Variants in KCNH1 observed in about 807,000 individuals in gnomAD.
The protein encoded by KCNH1 is potassium voltage-gated channel subfamily H member 1, also known as voltage-gated delayed rectifier potassium channel KCNH1.
KCNH1 carries 27 observed loss-of-function variants against 69.2 expected under a neutral mutation model. The observed-to-expected ratio is 0.39, with a 90% CI of 0.29 to 0.54. KCNH1 has a LOEUF of 0.54. Ranked by LOEUF, KCNH1 falls within the 20% of genes least tolerant of loss-of-function variation. KCNH1 has a pLI of 0.68. For synonymous variants in KCNH1, 456 were observed against 487.7 expected (o/e 0.93, Z 0.86); for missense variants, 798 against 1,261.6 (o/e 0.63, Z 5.57).
At chr1:211,025,211 G>C (rs546716083) in intron 5 of KCNH1, among the ~76,000 whole-genome samples, 1 of 152,272 alleles carries the variant, frequency 6.6e-6, no homozygotes, top group African/African-American at 2.4e-5. Flanking sequence ...AAATCTCTAG[G>C]TAAAACTCCC....
At chr1:210,685,191 T>C (rs766360669) in intron 10 of KCNH1, among the ~76,000 whole-genome samples, 1 of 152,242 alleles carries the variant, frequency 6.6e-6, no homozygotes, top group Non-Finnish European at 1.5e-5. Flanking sequence ...CTAGCTTACA[T>C]TGCATGTGGC....
chr1:210,958,618 T>C (rs1270329269), intron 6 of KCNH1, among the ~76,000 whole-genome samples: 13 of 152,194 alleles, frequency 8.5e-5, no homozygotes, highest in Non-Finnish European at 1.0e-4. Context: ...CTTTTTACTC[T>C]TTTTTCTCTA....
At chr1:210,753,400 A>T (rs1248848444) in intron 10 of KCNH1, among the ~76,000 whole-genome samples, 1 of 152,212 alleles carries the variant, frequency 6.6e-6, no homozygotes, top group African/African-American at 2.4e-5. Context: ...TAAGTAAACA[A>T]TTGAAACGTG....
chr1:210,889,159 A>G (rs1266519711), intron 7 of KCNH1, among the ~76,000 whole-genome samples: 1 of 152,198 alleles, frequency 6.6e-6, no homozygotes, highest in African/African-American at 2.4e-5. Flanking sequence ...TCCTCAGTAA[A>G]ATACTGGCAA....
intron 5 of KCNH1, among the ~76,000 whole-genome samples, chr1:211,070,837 A>C (rs1400058530): frequency 6.7e-6 from 1 of 148,600 alleles, no homozygotes; most frequent in Non-Finnish European, 1.5e-5. Flanking sequence ...AAAAAAAATT[A>C]GGAAAAAAAA....
At chr1:210,991,059 C>T (rs1688926809) in intron 6 of KCNH1, among the ~76,000 whole-genome samples, 1 of 152,018 alleles carries the variant, frequency 6.6e-6, no homozygotes, top group Admixed American at 6.6e-5. Flanking sequence ...CTCAAAAAAA[C>T]TAAAAATAAA....
intron 5 of KCNH1, among the ~76,000 whole-genome samples, chr1:211,023,303 T>C (rs1452204817): frequency 1.3e-5 from 2 of 151,796 alleles, no homozygotes; most frequent in Admixed American, 6.6e-5. Flanking sequence ...AGCAATCCCA[T>C]TGGTGGGTAT....
chr1:211,031,334 T>C (rs1689780787), intron 5 of KCNH1, among the ~76,000 whole-genome samples: 2 of 152,208 alleles, frequency 1.3e-5, no homozygotes, highest in Admixed American at 1.3e-4. Flanking sequence ...GCTGGTACCA[T>C]TCCTTCAGAA....
At chr1:211,105,983 G>A (rs182332119) in intron 2 of KCNH1, among the ~76,000 whole-genome samples, 1 of 152,194 alleles carries the variant, frequency 6.6e-6, no homozygotes, top group African/African-American at 2.4e-5. Flanking sequence ...TCCTTCTTAT[G>A]AGCTCAAACA....
chr1:210,929,891 G>A (rs115893399), intron 6 of KCNH1, among the ~76,000 whole-genome samples: 12,012 of 152,200 alleles, frequency 0.079, 674 homozygotes, highest in South Asian at 0.18. Context: ...CAGCAACCAA[G>A]CTGAGAATTA....
chr1:210,750,379 C>T (rs1683256464), intron 10 of KCNH1, among the ~76,000 whole-genome samples: 1 of 152,166 alleles, frequency 6.6e-6, no homozygotes, highest in Non-Finnish European at 1.5e-5. Context: ...CCAGGAAGGT[C>T]ACCCAGCCTG....
intron 7 of KCNH1, among the ~76,000 whole-genome samples, chr1:210,908,610 T>C (rs1687163538): frequency 6.6e-6 from 1 of 152,176 alleles, no homozygotes; most frequent in Admixed American, 6.5e-5. Context: ...ATTTGAACAT[T>C]TGGGCCAGGC....
intron 10 of KCNH1, among the ~76,000 whole-genome samples, chr1:210,705,961 TG>T (rs2149013634): frequency 6.6e-6 from 1 of 152,230 alleles, no homozygotes; most frequent in East Asian, 1.9e-4. Context: ...ATTTGCATAT[TG>T]TATTTTACTT....
At chr1:211,047,585 G>A (rs1690115781) in intron 5 of KCNH1, among the ~76,000 whole-genome samples, 1 of 152,178 alleles carries the variant, frequency 6.6e-6, no homozygotes, top group Non-Finnish European at 1.5e-5. Context: ...AGATCTCCAT[G>A]CCTCAGTTTC....
At chr1:210,812,769 A>G (rs1684734255) in intron 7 of KCNH1, among the ~76,000 whole-genome samples, 1 of 152,200 alleles carries the variant, frequency 6.6e-6, no homozygotes, top group African/African-American at 2.4e-5. Context: ...AATAGAGTCT[A>G]AAAAGGCAGA....
At chr1:210,703,587 C>T (rs1681834059) in intron 10 of KCNH1, among the ~76,000 whole-genome samples, 1 of 152,192 alleles carries the variant, frequency 6.6e-6, no homozygotes. Context: ...ATAAATGCTA[C>T]TTATTAACAT....
chr1:211,129,096 C>T (rs1691832639), intron 1 of KCNH1, among the ~76,000 whole-genome samples: 1 of 152,146 alleles, frequency 6.6e-6, no homozygotes, highest in Non-Finnish European at 1.5e-5. Flanking sequence ...CCCCCCAGAA[C>T]TAAGATTCTG....
chr1:210,862,389 G>A (rs1685998769), intron 7 of KCNH1: 1 of 609,462 alleles, frequency 1.6e-6, no homozygotes. Context: ...GCGCAAAAGG[G>A]CAATGGTGCA....
At chr1:211,005,790 G>T (rs1689270264) in intron 6 of KCNH1, among the ~76,000 whole-genome samples, 1 of 151,808 alleles carries the variant, frequency 6.6e-6, no homozygotes, top group South Asian at 2.1e-4. Flanking sequence ...CCTAAAAAGA[G>T]AAAATAGGAA....
Sources: gnomAD v4.1 joint callset for allele counts (sites outside exome capture counted in the v4.1 genomes callset) on GRCh38, gnomAD v4.1.1 for gene constraint, MANE v1.5 for transcripts, NCBI Gene and HGNC (gene_info 2026-07-23, HGNC 2026-07-21) for gene names.